Variants in GPHN observed in about 807,000 individuals in gnomAD.
GPHN encodes the protein gephyrin.
Under a neutral mutation model 95.5 loss-of-function variants are expected in GPHN, and 17 were observed. The ratio of observed to expected loss-of-function variants is 0.18; its 90% CI spans 0.12 to 0.27. The LOEUF is 0.27. Ranked by LOEUF, GPHN falls within the 10% of genes least tolerant of loss-of-function variation. GPHN has a pLI of 1.00. For synonymous variants in GPHN, 320 were observed against 322.5 expected (o/e 0.99, Z 0.08); for missense variants, 660 against 978.1 (o/e 0.67, Z 4.34).
chr14:66,587,160 G>T (rs1354813116), intron 1 of GPHN, among the ~76,000 whole-genome samples: 2 of 152,068 alleles, frequency 1.3e-5, no homozygotes, highest in African/African-American at 4.8e-5. Context: ...TCCTGGAAAT[G>T]TACAACTACC....
intron 12 of GPHN, among the ~76,000 whole-genome samples, chr14:67,096,934 T>C (rs1224075272): frequency 1.3e-5 from 2 of 152,178 alleles, no homozygotes; most frequent in Non-Finnish European, 2.9e-5. Flanking sequence ...GGAAACAATA[T>C]ATATGGATCA....
chr14:67,434,229 TATA>T, the GPHN span, among the ~76,000 whole-genome samples: 1 of 152,230 alleles, frequency 6.6e-6, no homozygotes, highest in African/African-American at 2.4e-5. Flanking sequence ...CAGTGAATTT[TATA>T]ATGTTATAAA....
chr14:66,929,196 C>T (rs1017868138), intron 8 of GPHN, among the ~76,000 whole-genome samples: 1 of 151,788 alleles, frequency 6.6e-6, no homozygotes, highest in Admixed American at 6.6e-5. Flanking sequence ...GCTGGGATTA[C>T]AGGCACGCGC....
chr14:67,342,940 G>T, the GPHN span, among the ~76,000 whole-genome samples: 1 of 152,088 alleles, frequency 6.6e-6, no homozygotes, highest in Non-Finnish European at 1.5e-5. Flanking sequence ...GAAAATAAGT[G>T]CATCAAATGG....
At chr14:66,818,618 A>C (rs995942132) in intron 3 of GPHN, among the ~76,000 whole-genome samples, 4 of 152,156 alleles carry the variant, frequency 2.6e-5, no homozygotes, top group Non-Finnish European at 5.9e-5. Flanking sequence ...GTATATACTC[A>C]GTAATGGGAT....
chr14:67,585,307 A>G, the GPHN span: 17 of 447,894 alleles, frequency 3.8e-5, no homozygotes, highest in Non-Finnish European at 6.1e-5. Flanking sequence ...CATGGGTTCT[A>G]GGGACATCAA....
chr14:67,724,418 T>A, the GPHN span: 1 of 1,122,884 alleles, frequency 8.9e-7, no homozygotes, highest in Non-Finnish European at 1.3e-6. Context: ...TTAACGTATC[T>A]TAGTGTGAGC....
At chr14:66,596,229 G>T (rs1422257589) in intron 1 of GPHN, among the ~76,000 whole-genome samples, 1 of 152,056 alleles carries the variant, frequency 6.6e-6, no homozygotes, top group Non-Finnish European at 1.5e-5. Flanking sequence ...AGTGCATGCT[G>T]ATTGGTCCAT....
At chr14:67,206,253 C>A in the GPHN span, among the ~76,000 whole-genome samples, 1 of 152,108 alleles carries the variant, frequency 6.6e-6, no homozygotes, top group Non-Finnish European at 1.5e-5. Context: ...AATCCCAGCA[C>A]TTTGGGAGAC....
chr14:66,754,617 T>C (rs1205684799), intron 2 of GPHN, among the ~76,000 whole-genome samples: 1 of 151,984 alleles, frequency 6.6e-6, no homozygotes, highest in Non-Finnish European at 1.5e-5. Context: ...GATCTACTTA[T>C]TTTCTACTAT....
intron 1 of GPHN, among the ~76,000 whole-genome samples, chr14:66,546,272 T>G (rs1178782374): frequency 6.7e-6 from 1 of 149,452 alleles, no homozygotes; most frequent in Admixed American, 6.7e-5. Context: ...GCAGAGACGC[T>G]CCTCACTTTC....
intron 8 of GPHN, among the ~76,000 whole-genome samples, chr14:66,929,913 G>T (rs931188644): frequency 6.6e-6 from 1 of 151,918 alleles, no homozygotes; most frequent in Non-Finnish European, 1.5e-5. Flanking sequence ...GGGTTTCACC[G>T]TGTTAGCCAA....
chr14:67,697,313 A>G, the GPHN span, among the ~76,000 whole-genome samples: 3 of 152,324 alleles, frequency 2.0e-5, no homozygotes, highest in South Asian at 4.1e-4. Context: ...TATTTGAGGA[A>G]ATAACATTTG....
At chr14:67,052,025 C>T (rs1382347742) in intron 10 of GPHN, among the ~76,000 whole-genome samples, 3 of 152,134 alleles carry the variant, frequency 2.0e-5, no homozygotes, top group Non-Finnish European at 4.4e-5. Context: ...GTACACAGAC[C>T]AATGACGCTT....
At chr14:67,302,297 T>A in the GPHN span, 1,080 of 1,080,960 alleles carry the variant, frequency 1.0e-3, 10 homozygotes, top group African/African-American at 0.016. Context: ...AAATTTTTTC[T>A]TAAGATAACT....
chr14:67,110,173 C>T lies in GPHN; in HGVS notation c.1327C>T (p.Arg443Trp), dbSNP rs376650247. 5.6e-6 allele frequency: 9 copies of T among 1,611,556 alleles called. No homozygotes were observed. Among genetic ancestry groups the T allele is most frequent in the Non-Finnish European group, 5.1e-6 (6 of 1,177,864 alleles). Residue 443 changes from arginine to tryptophan, a missense_variant, in exon 14 of 23, where the codon CGG (arginine) becomes TGG (tryptophan). Arg to Trp is a moderately radical substitution (Grantham distance 101). Transcript: ENST00000478722. ...GACAGTAATGCCAGGACAAGTCATGCGGGTTACAACAGGTGCTCCAATACC... is the reference window on the plus strand; with the variant it reads ...GACAGTAATGCCAGGACAAGTCATGTGGGTTACAACAGGTGCTCCAATACC... ...TQTVMPGQVMRVTTGAPIPCG... is the reference protein window; with the variant it reads ...TQTVMPGQVMWVTTGAPIPCG...
intron 1 of GPHN, among the ~76,000 whole-genome samples, chr14:66,626,119 T>G (rs1444756141): frequency 6.6e-6 from 1 of 152,198 alleles, no homozygotes; most frequent in African/African-American, 2.4e-5. Context: ...ATGTTAACTT[T>G]CAATTAATAC....
At chr14:66,619,267 G>A (rs2063183641) in intron 1 of GPHN, among the ~76,000 whole-genome samples, 1 of 152,012 alleles carries the variant, frequency 6.6e-6, no homozygotes, top group Admixed American at 6.5e-5. Context: ...CTAGATCATT[G>A]GGTAGCTGTA....
chr14:67,469,473 T>C, the GPHN span, among the ~76,000 whole-genome samples: 51 of 128,590 alleles, frequency 4.0e-4, no homozygotes, highest in African/African-American at 1.4e-3. Context: ...TTTGTAGAGA[T>C]GGTGGTCTCT....
Sources: allele counts gnomAD v4.1 joint callset (sites outside exome capture counted in the v4.1 genomes callset), GRCh38; gene constraint gnomAD v4.1.1; transcripts MANE v1.5; gene names NCBI Gene and HGNC (gene_info 2026-07-23, HGNC 2026-07-21).